The following ZRANB3 variants were observed in gnomAD, a reference collection of about 807,000 sequenced individuals.
ZRANB3 encodes the protein zinc finger RANBP2-type containing 3, also known as DNA annealing helicase and endonuclease ZRANB3.
In ZRANB3, 125 loss-of-function variants were observed where a neutral mutation model predicts 133.8. That is an observed-to-expected ratio of 0.93 (90% CI 0.81 to 1.08). The LOEUF (loss-of-function observed/expected upper bound fraction) is 1.08. ZRANB3 is among the 50% of genes least tolerant of loss of function. The probability of loss-of-function intolerance (pLI) is 0.00; values close to 1 mark genes in which losing one functional copy is unlikely to be tolerated. For missense variants in ZRANB3, 1,229 were observed against 1,275.5 expected, an observed-to-expected ratio of 0.96 and a Z score of 0.56; for synonymous variants, 387 against 432.7, an observed-to-expected ratio of 0.89 and a Z score of 1.31.
chr2:135,245,642 A>G (rs909111495), intron 12 of ZRANB3, among the ~76,000 whole-genome samples: 4 of 151,674 alleles, frequency 2.6e-5, no homozygotes, highest in African/African-American at 7.3e-5. Flanking sequence ...TAATAGAGAC[A>G]GGGGCTGGGT....
intron 3 of ZRANB3, among the ~76,000 whole-genome samples, chr2:135,387,985 G>T (rs750175859): frequency 2.0e-4 from 30 of 152,154 alleles, no homozygotes; most frequent in Middle Eastern, 3.2e-3. Context: ...TTAAGAAGGT[G>T]TCTTAGTCTG....
intron 8 of ZRANB3, among the ~76,000 whole-genome samples, chr2:135,283,015 C>T (rs1304494023): frequency 6.6e-6 from 1 of 152,144 alleles, no homozygotes; most frequent in South Asian, 2.1e-4. Context: ...CCAGACACAG[C>T]GACACATGTT....
chr2:135,480,250 T>C (rs1490971383), intron 2 of ZRANB3, among the ~76,000 whole-genome samples: 1 of 152,096 alleles, frequency 6.6e-6, no homozygotes, highest in Non-Finnish European at 1.5e-5. Context: ...CCTCATACTT[T>C]CACTTAATTA....
chr2:135,457,866 G>T (rs1260215714), intron 2 of ZRANB3, among the ~76,000 whole-genome samples: 2 of 151,988 alleles, frequency 1.3e-5, no homozygotes, highest in African/African-American at 2.4e-5. Flanking sequence ...TAGTCTGTGG[G>T]TTATCTTTAT....
At chr2:135,314,752 CTT>C (rs11305622) in intron 7 of ZRANB3, among the ~76,000 whole-genome samples, 27 of 143,602 alleles carry the variant, frequency 1.9e-4, no homozygotes, top group South Asian at 4.5e-4. Context: ...ATTTAGAATT[CTT>C]TTTTTTTTTT....
intron 5 of ZRANB3, among the ~76,000 whole-genome samples, chr2:135,346,934 T>C (rs1397127177): frequency 6.6e-6 from 1 of 152,210 alleles, no homozygotes; most frequent in Non-Finnish European, 1.5e-5. Context: ...CCATTAGTAG[T>C]CACTGCCTAT....
chr2:135,330,397 G>A (rs972821538), intron 6 of ZRANB3, among the ~76,000 whole-genome samples: 1 of 152,188 alleles, frequency 6.6e-6, no homozygotes, highest in African/African-American at 2.4e-5. Context: ...GCATCCCAGG[G>A]ATGAAGCTGA....
intron 8 of ZRANB3, among the ~76,000 whole-genome samples, chr2:135,292,410 G>C (rs903415756): frequency 2.0e-5 from 3 of 152,144 alleles, no homozygotes; most frequent in African/African-American, 7.2e-5. Flanking sequence ...AGAAGTGTCT[G>C]TTCATATCCT....
rs143102162 is a variant in ZRANB3, at chr2:135,340,420, C to G, written c.677+5130G>C. 2.6e-3 allele frequency among the ~76,000 whole-genome samples: 399 copies of G among 152,052 alleles called. 1 individual carries two copies. The highest frequency in any genetic ancestry group is 8.7e-3 in the African/African-American group (363 of 41,492). On this transcript the variant is annotated intron_variant, in intron 6 of 20. Coordinates refer to ENST00000264159, the MANE Select transcript of ZRANB3 (RefSeq NM_032143.4). ...TGCGCCCAACCCCCTTTTTTTAATACTCTAGTTTTTCATAACTTTCTTGGC... is the reference window on the plus strand; with the variant it reads ...TGCGCCCAACCCCCTTTTTTTAATAGTCTAGTTTTTCATAACTTTCTTGGC...
chr2:135,381,417 T>C (rs2104912343), intron 3 of ZRANB3, among the ~76,000 whole-genome samples: 1 of 152,332 alleles, frequency 6.6e-6, no homozygotes, highest in Non-Finnish European at 1.5e-5. Context: ...AGACTCCACC[T>C]CTGTGGGCAC....
intron 3 of ZRANB3, among the ~76,000 whole-genome samples, chr2:135,389,873 ATTC>A (rs1304320463): frequency 8.1e-6 from 1 of 123,166 alleles, no homozygotes; most frequent in Admixed American, 8.4e-5. Flanking sequence ...TTTTGCTGTT[ATTC>A]TTTTTTTTTT....
intron 8 of ZRANB3, among the ~76,000 whole-genome samples, chr2:135,277,563 T>C (rs147738414): frequency 2.3e-3 from 353 of 151,754 alleles, no homozygotes; most frequent in African/African-American, 7.7e-3. Flanking sequence ...AAATGAAAAA[T>C]ATAATAGCAG....
chr2:135,242,309 G>C (rs1341019395), intron 12 of ZRANB3, among the ~76,000 whole-genome samples: 1 of 152,010 alleles, frequency 6.6e-6, no homozygotes, highest in African/African-American at 2.4e-5. Flanking sequence ...AAGGTAAAAA[G>C]GACAGAAAAC....
intron 1 of ZRANB3, among the ~76,000 whole-genome samples, chr2:135,508,263 G>A (rs1408432083): frequency 1.3e-5 from 2 of 151,982 alleles, no homozygotes; most frequent in Non-Finnish European, 2.9e-5. Flanking sequence ...TCAGCCTCAC[G>A]AGTAGCTGGG....
chr2:135,308,087 AT>A (rs1404551132), intron 8 of ZRANB3, among the ~76,000 whole-genome samples: 1 of 151,406 alleles, frequency 6.6e-6, no homozygotes, highest in Non-Finnish European at 1.5e-5. Flanking sequence ...CATAAGACAA[AT>A]TTTTTGCTGC....
At chr2:135,256,892 A>G (rs1679684115) in intron 12 of ZRANB3, among the ~76,000 whole-genome samples, 1 of 152,218 alleles carries the variant, frequency 6.6e-6, no homozygotes, top group African/African-American at 2.4e-5. Context: ...CCAAGATGGT[A>G]ATGAAAGAGA....
intron 8 of ZRANB3, among the ~76,000 whole-genome samples, chr2:135,281,796 C>T (rs144963360): frequency 1.3e-5 from 2 of 152,340 alleles, no homozygotes; most frequent in East Asian, 1.9e-4. Context: ...AAATCACAAC[C>T]TAACAATGTT....
intron 2 of ZRANB3, among the ~76,000 whole-genome samples, chr2:135,479,815 C>A (rs1178327864): frequency 6.6e-6 from 1 of 152,122 alleles, no homozygotes; most frequent in Non-Finnish European, 1.5e-5. Flanking sequence ...CAAATTAATA[C>A]TATTCAGAAT....
At chr2:135,226,931 G>A (rs1433759993) in intron 14 of ZRANB3, among the ~76,000 whole-genome samples, 1 of 152,218 alleles carries the variant, frequency 6.6e-6, no homozygotes. Context: ...GGAAGACCTT[G>A]AGGAGTTAGA....
Sources: allele counts gnomAD v4.1 joint callset (sites outside exome capture counted in the v4.1 genomes callset), GRCh38; gene constraint gnomAD v4.1.1; transcripts MANE v1.5; gene names NCBI Gene and HGNC (gene_info 2026-07-23, HGNC 2026-07-21).